The following MCC variants were observed in gnomAD, a reference collection of about 807,000 sequenced individuals.
MCC encodes the protein colorectal mutant cancer protein.
MCC carries 90 observed loss-of-function variants against 116.2 expected under a neutral mutation model. That is an observed-to-expected ratio of 0.77 (90% CI 0.65 to 0.92). The LOEUF (loss-of-function observed/expected upper bound fraction) is 0.92. MCC is among the 40% of genes least tolerant of loss of function. The probability of loss-of-function intolerance (pLI) is 0.00; values close to 1 mark genes in which losing one functional copy is unlikely to be tolerated. For missense variants in MCC, 1,516 were observed against 1,312.2 expected (o/e 1.16, Z -2.40); for synonymous variants, 578 against 510.5 (o/e 1.13, Z -1.78).
At chr5:113,360,631 T>A (rs1283766103) in intron 2 of MCC, among the ~76,000 whole-genome samples, 1 of 152,252 alleles carries the variant, frequency 6.6e-6, no homozygotes, top group Non-Finnish European at 1.5e-5. Context: ...ATTCAGACTT[T>A]ATACTCCTTA....
chr5:113,162,115 G>C (rs1177486384), intron 3 of MCC, among the ~76,000 whole-genome samples: 2 of 152,192 alleles, frequency 1.3e-5, no homozygotes, highest in Non-Finnish European at 2.9e-5. Flanking sequence ...TAGATAGAAA[G>C]AAGGAATGGC....
At chr5:113,467,109 A>G (rs914724026) in intron 1 of MCC, among the ~76,000 whole-genome samples, 5 of 150,244 alleles carry the variant, frequency 3.3e-5, no homozygotes, top group Non-Finnish European at 7.4e-5. Flanking sequence ...AGTAGGTTGC[A>G]AAAATTTTCT....
intron 3 of MCC, among the ~76,000 whole-genome samples, chr5:113,275,965 G>GTTTTTTTT (rs1194323460): frequency 8.3e-6 from 1 of 121,032 alleles, no homozygotes; most frequent in Non-Finnish European, 1.7e-5. Flanking sequence ...GATTTCACTT[G>GTTTTTTTT]TTTTGTTTTT....
At chr5:113,294,595 G>A (rs1006226564) in intron 3 of MCC, 1 of 1,204,870 alleles carries the variant, frequency 8.3e-7, no homozygotes, top group Non-Finnish European at 1.0e-6. Context: ...ACGAGCCATT[G>A]CTGCAGGAGG....
Position 113,284,696 on chromosome 5 carries a change from C to A in MCC, c.627+55823G>T, listed in dbSNP as rs1458483426. 7.9e-5 allele frequency among the ~76,000 whole-genome samples: 12 copies of A among 152,174 alleles called. No homozygotes were observed. In the East Asian group the frequency reaches 2.3e-3, roughly 29 times the overall value. On this transcript the variant is annotated intron_variant, in intron 3 of 18. Coordinates refer to ENST00000408903, the MANE Select transcript of MCC (RefSeq NM_001085377.2). ...TAAGTCAAATATATGCTTAATAGCACCACCCAATAGAAGCACTTCCTTTGT... is the reference window on the plus strand; with the variant it reads ...TAAGTCAAATATATGCTTAATAGCAACACCCAATAGAAGCACTTCCTTTGT...
intron 11 of MCC, 136 bp downstream of exon 11, chr5:113,082,724 C>T: frequency 9.4e-7 from 1 of 1,060,284 alleles, no homozygotes; most frequent in Non-Finnish European, 1.4e-6. Context: ...GTGGTAGGAA[C>T]TTCCATCCCC....
rs539027440 is a variant in MCC, at chr5:113,083,545, C to G, written c.1636-537G>C. On this transcript the variant is annotated intron_variant, in intron 10 of 18. Coordinates refer to ENST00000408903, the MANE Select transcript of MCC (RefSeq NM_001085377.2). Reference sequence around the variant, plus strand: ...TAGCTGGCTCTCTAAGCCTCATCCCCAATCCTAAAAGATCCCTTAAAGAAA... The same window carrying G: ...TAGCTGGCTCTCTAAGCCTCATCCCGAATCCTAAAAGATCCCTTAAAGAAA... Among the ~76,000 whole-genome samples, 14 of 152,336 alleles carry G rather than the reference C, an allele frequency of 9.2e-5. No homozygotes were observed. The South Asian group carries it at 2.7e-3, about 29-fold the overall frequency.
chr5:113,247,853 G>T (rs535403756), intron 3 of MCC, among the ~76,000 whole-genome samples: 1 of 152,104 alleles, frequency 6.6e-6, no homozygotes, highest in Admixed American at 6.5e-5. Flanking sequence ...GGGAGTGTAT[G>T]GTCACCTATG....
intron 3 of MCC, among the ~76,000 whole-genome samples, chr5:113,199,095 G>A (rs1198464615): frequency 6.6e-6 from 1 of 152,082 alleles, no homozygotes; most frequent in East Asian, 1.9e-4. Flanking sequence ...TTGAACCTGG[G>A]AGGTGGAGGT....
Position 113,027,389 on chromosome 5 carries a change from A to T in MCC, c.2973T>A (p.His991Gln), listed in dbSNP as rs374284034. ...ESQMMAMVER[H>Q]ETQVRMLKQR... Reference sequence around the variant, plus strand: ...GCTTGAGCATCCTCACTTGGGTCTCATGTCTCTCCACCATGGCCATCATCT... The same window carrying T: ...GCTTGAGCATCCTCACTTGGGTCTCTTGTCTCTCCACCATGGCCATCATCT... Residue 991 changes from histidine to glutamine, a missense_variant, in exon 19 of 19, where the codon CAT becomes CAA. His to Gln is a conservative substitution (Grantham distance 24). Coordinates refer to ENST00000408903, the MANE Select transcript of MCC (RefSeq NM_001085377.2). 6.2e-7 allele frequency: 1 copy of T among 1,613,908 alleles called. No homozygotes were observed. Among genetic ancestry groups the T allele is most frequent in the Non-Finnish European group, 8.5e-7 (1 of 1,179,944 alleles).
chr5:113,465,712 T>A (rs1417854797), intron 1 of MCC, among the ~76,000 whole-genome samples: 2 of 151,764 alleles, frequency 1.3e-5, no homozygotes, highest in African/African-American at 2.4e-5. Flanking sequence ...AAAAGAAAAT[T>A]CACAAATTAG....
chr5:113,463,484 T>C (rs2150426683), intron 1 of MCC, among the ~76,000 whole-genome samples: 1 of 152,308 alleles, frequency 6.6e-6, no homozygotes, highest in East Asian at 1.9e-4. Context: ...GACTTGGTGA[T>C]GAAATCAACA....
intron 17 of MCC, among the ~76,000 whole-genome samples, chr5:113,034,879 T>G (rs1038918097): frequency 2.6e-5 from 4 of 152,200 alleles, no homozygotes; most frequent in African/African-American, 9.6e-5. Flanking sequence ...AGAGCCTGAT[T>G]TCGTTCTGCT....
At chr5:113,419,494 G>C (rs186219671) in intron 1 of MCC, among the ~76,000 whole-genome samples, 1 of 151,932 alleles carries the variant, frequency 6.6e-6, no homozygotes, top group African/African-American at 2.4e-5. Flanking sequence ...ACCATACCCC[G>C]TTGTGATAGG....
At chr5:113,431,360 C>T (rs1001500687) in intron 1 of MCC, among the ~76,000 whole-genome samples, 9 of 152,128 alleles carry the variant, frequency 5.9e-5, no homozygotes, top group African/African-American at 2.2e-4. Context: ...GAGGAGTTGG[C>T]AGGGCCTTTC....
intron 5 of MCC, among the ~76,000 whole-genome samples, chr5:113,129,054 TTC>T (rs1397723969): frequency 1.3e-5 from 2 of 152,198 alleles, no homozygotes; most frequent in Admixed American, 1.3e-4. Flanking sequence ...CTGGGATGTT[TTC>T]TCTCTCTGTC....
At chr5:113,100,521 G>C (rs1338235612) in intron 8 of MCC, among the ~76,000 whole-genome samples, 1 of 138,698 alleles carries the variant, frequency 7.2e-6, no homozygotes. Context: ...GCCCAGGCTG[G>C]AGTGCAGTGG....
At chr5:113,064,460 T>C (rs1013008429) in intron 13 of MCC, among the ~76,000 whole-genome samples, 4 of 152,248 alleles carry the variant, frequency 2.6e-5, no homozygotes, top group African/African-American at 9.6e-5. Flanking sequence ...TAACACGCTC[T>C]GATTTTTCTA....
At chr5:113,027,845 C>T (rs1429651845) in intron 18 of MCC, among the ~76,000 whole-genome samples, 1 of 152,184 alleles carries the variant, frequency 6.6e-6, no homozygotes, top group East Asian at 1.9e-4. Flanking sequence ...GCAACATAGT[C>T]AAGTGTATCT....
Sources: gnomAD v4.1 joint callset for allele counts (sites outside exome capture counted in the v4.1 genomes callset) on GRCh38, gnomAD v4.1.1 for gene constraint, MANE v1.5 for transcripts, NCBI Gene and HGNC (gene_info 2026-07-23, HGNC 2026-07-21) for gene names.